Variants in TTC29 observed in about 807,000 individuals in gnomAD.
TTC29 encodes the protein tetratricopeptide repeat protein 29.
Under a neutral mutation model 58.1 loss-of-function variants are expected in TTC29, and 49 were observed. That is an observed-to-expected ratio of 0.84 (90% CI 0.67 to 1.07). The LOEUF is 1.07. Among genes scored for constraint, TTC29 ranks in the 50% least tolerant of loss-of-function variants. TTC29 has a pLI of 0.00. For synonymous variants in TTC29, 209 were observed against 196.8 expected (o/e 1.06, Z -0.52); for missense variants, 582 against 555.6 (o/e 1.05, Z -0.48).
At chr4:146,718,141 CACTTCCATG>C (rs935400403) in intron 11 of TTC29, among the ~76,000 whole-genome samples, 4 of 152,140 alleles carry the variant, frequency 2.6e-5, no homozygotes, top group African/African-American at 7.2e-5. Context: ...GGTTTATGGA[CACTTCCATG>C]ACTTGGCTAT....
chr4:146,777,075 C>T (rs1579647967), intron 11 of TTC29, among the ~76,000 whole-genome samples: 1 of 152,238 alleles, frequency 6.6e-6, no homozygotes, highest in South Asian at 2.1e-4. Flanking sequence ...AATGGAAGTT[C>T]GGATGAGTGC....
chr4:146,876,916 C>G, intron 6 of TTC29, among the ~76,000 whole-genome samples: 1 of 119,544 alleles, frequency 8.4e-6, no homozygotes, highest in African/African-American at 3.2e-5. Flanking sequence ...AGCCTGTCAA[C>G]AGAGCAAGAC....
chr4:146,779,583 G>A (rs1029856350), intron 11 of TTC29, among the ~76,000 whole-genome samples: 1 of 152,064 alleles, frequency 6.6e-6, no homozygotes, highest in African/African-American at 2.4e-5. Context: ...TAAAAGAGTA[G>A]ATGATATAAT....
At chr4:146,885,716 C>T (rs1282545449) in intron 6 of TTC29, among the ~76,000 whole-genome samples, 6 of 152,022 alleles carry the variant, frequency 3.9e-5, no homozygotes, top group African/African-American at 1.4e-4. Flanking sequence ...TGCAGTTCTT[C>T]AATTAAAAGT....
chr4:146,814,383 AC>A (rs1246862842), intron 10 of TTC29, among the ~76,000 whole-genome samples: 1 of 145,994 alleles, frequency 6.8e-6, no homozygotes, highest in Non-Finnish European at 1.5e-5. Context: ...GGAGTTCAAG[AC>A]CAGCCTGAGC....
At chr4:146,928,259 C>T (rs1735071854) in intron 4 of TTC29, among the ~76,000 whole-genome samples, 1 of 152,166 alleles carries the variant, frequency 6.6e-6, no homozygotes, top group Non-Finnish European at 1.5e-5. Flanking sequence ...GATTCAAAGT[C>T]AGCTCTTCTA....
chr4:146,720,986 A>G (rs1743312328), intron 11 of TTC29, among the ~76,000 whole-genome samples: 1 of 152,136 alleles, frequency 6.6e-6, no homozygotes, highest in Non-Finnish European at 1.5e-5. Context: ...CAAATTAGAT[A>G]GATTCAGAGG....
chr4:146,730,791 T>C (rs1258961150), intron 11 of TTC29, among the ~76,000 whole-genome samples: 1 of 152,190 alleles, frequency 6.6e-6, no homozygotes, highest in Non-Finnish European at 1.5e-5. Context: ...AACAGCAATT[T>C]CAGTTGAAGG....
intron 11 of TTC29, among the ~76,000 whole-genome samples, chr4:146,743,331 G>A (rs1745304551): frequency 6.6e-6 from 1 of 152,084 alleles, no homozygotes; most frequent in South Asian, 2.1e-4. Context: ...CTGAAAATAA[G>A]TGCCTGGTTG....
At chr4:146,905,387 A>C (rs185110378) in intron 5 of TTC29, among the ~76,000 whole-genome samples, 17 of 150,346 alleles carry the variant, frequency 1.1e-4, no homozygotes. Flanking sequence ...TATTTTAGTA[A>C]TTAAACCTTA....
intron 6 of TTC29, among the ~76,000 whole-genome samples, chr4:146,881,744 C>T (rs1053640419): frequency 3.9e-5 from 6 of 152,020 alleles, no homozygotes; most frequent in Non-Finnish European, 4.4e-5. Context: ...CTATCACTTT[C>T]AAGGGTTTAT....
intron 11 of TTC29, among the ~76,000 whole-genome samples, chr4:146,741,610 T>C (rs1355196252): frequency 6.6e-6 from 1 of 152,166 alleles, no homozygotes; most frequent in Non-Finnish European, 1.5e-5. Flanking sequence ...TCTTTGCTTC[T>C]GGTCTCTCTT....
At chr4:146,839,726 ATCT>A in intron 8 of TTC29, among the ~76,000 whole-genome samples, 1 of 149,834 alleles carries the variant, frequency 6.7e-6, no homozygotes, top group Middle Eastern at 3.4e-3. Flanking sequence ...ATAAAGGAAA[ATCT>A]TTTTTTTTTC....
chr4:146,901,073 A>AGTC (rs1197791678), intron 6 of TTC29, among the ~76,000 whole-genome samples: 21 of 152,302 alleles, frequency 1.4e-4, no homozygotes, highest in Non-Finnish European at 2.6e-4. Flanking sequence ...TCCATTTGAC[A>AGTC]GTCCAGACAG....
chr4:146,914,912 G>A (rs902183087), intron 4 of TTC29, among the ~76,000 whole-genome samples: 1 of 152,136 alleles, frequency 6.6e-6, no homozygotes, highest in African/African-American at 2.4e-5. Flanking sequence ...GAGATGCTGG[G>A]AAATGGAGAA....
intron 2 of TTC29, among the ~76,000 whole-genome samples, chr4:146,942,199 A>G (rs1232256139): frequency 4.6e-5 from 7 of 152,240 alleles, no homozygotes; most frequent in Admixed American, 4.6e-4. Context: ...GATATGATCT[A>G]TGAAACAAAA....
At position 146,905,070 on chromosome 4, in the gene TTC29, G is replaced by A. The variant is rs188539403; in HGVS notation, c.401-1341C>T. ...ATTCTGGAGAGCCATTCTGCTTTTC[G>A]AGGACACTCACACCAGGTGACAGCT... On this transcript the variant is annotated intron_variant, in intron 5 of 12. Coordinates refer to ENST00000325106, the MANE Select transcript of TTC29 (RefSeq NM_031956.4). 9.3e-4 allele frequency among the ~76,000 whole-genome samples: 141 copies of A among 152,212 alleles called. 1 individual carries two copies. The highest frequency in any genetic ancestry group is 3.2e-3 in the African/African-American group (134 of 41,556).
intron 7 of TTC29, among the ~76,000 whole-genome samples, chr4:146,871,135 C>G (rs935802210): frequency 1.3e-5 from 2 of 151,828 alleles, no homozygotes; most frequent in African/African-American, 4.8e-5. Context: ...GATTATACAC[C>G]ACGATCAAGT....
At chr4:146,749,231 A>G (rs1745783537) in intron 11 of TTC29, among the ~76,000 whole-genome samples, 1 of 151,808 alleles carries the variant, frequency 6.6e-6, no homozygotes, top group Non-Finnish European at 1.5e-5. Flanking sequence ...GGATCGCCTG[A>G]GCCCATGAGT....
Sources: allele counts gnomAD v4.1 joint callset (sites outside exome capture counted in the v4.1 genomes callset), GRCh38; gene constraint gnomAD v4.1.1; transcripts MANE v1.5; gene names NCBI Gene and HGNC (gene_info 2026-07-23, HGNC 2026-07-21).